COL15A1: variants seen among roughly 807,000 people sequenced by gnomAD.
COL15A1 encodes the protein collagen alpha-1(XV) chain.
COL15A1 carries 111 observed loss-of-function variants against 165.9 expected under a neutral mutation model. The ratio of observed to expected loss-of-function variants is 0.67; its 90% confidence interval spans 0.57 to 0.78. The LOEUF (loss-of-function observed/expected upper bound fraction) is 0.78, where lower values mean the gene tolerates loss of function less well. Ranked by LOEUF, COL15A1 falls within the 30% of genes least tolerant of loss-of-function variation. The probability of loss-of-function intolerance (pLI) is 0.00; values close to 1 mark genes in which losing one functional copy is unlikely to be tolerated. For missense variants in COL15A1, 1,745 were observed against 1,789.7 expected, an observed-to-expected ratio of 0.98 and a Z score of 0.45; for synonymous variants, 659 against 674.8, an observed-to-expected ratio of 0.98 and a Z score of 0.36.
intron 22 of COL15A1, among the ~76,000 whole-genome samples, chr9:99,040,002 A>G (rs1000118791): frequency 1.3e-5 from 2 of 152,222 alleles, no homozygotes; most frequent in Non-Finnish European, 2.9e-5. Flanking sequence ...TTCTGGCACC[A>G]GGTTTCTCCC....
intron 2 of COL15A1, among the ~76,000 whole-genome samples, chr9:98,958,609 C>T (rs1350787418): frequency 6.6e-6 from 1 of 152,178 alleles, no homozygotes; most frequent in African/African-American, 2.4e-5. Context: ...GTAGATGGCT[C>T]CATTTCAGGG....
intron 23 of COL15A1, chr9:99,040,806 C>T (rs1839389110): frequency 3.5e-6 from 2 of 568,676 alleles, no homozygotes; most frequent in Non-Finnish European, 6.0e-6. Context: ...AGCATGAGCC[C>T]CTGAGCCTGG....
intron 15 of COL15A1, 106 bp from the exon 16 acceptor site, chr9:99,025,798 C>T (rs1839113723): frequency 6.6e-6 from 8 of 1,212,588 alleles, no homozygotes; most frequent in Non-Finnish European, 9.5e-6. Flanking sequence ...GGCCCTGGGC[C>T]CACCAGCCTC....
chr9:99,029,609 C>T (rs1343290789), intron 16 of COL15A1, among the ~76,000 whole-genome samples: 1 of 152,154 alleles, frequency 6.6e-6, no homozygotes, highest in Non-Finnish European at 1.5e-5. Flanking sequence ...GGTTCAACAT[C>T]TGGATTATAG....
intron 2 of COL15A1, among the ~76,000 whole-genome samples, chr9:98,950,480 CCTCCTTCCT>C: frequency 7.5e-6 from 1 of 132,890 alleles, no homozygotes. Context: ...CCCTCCCTTC[CCTCCTTCCT>C]TCCCTCCCTC....
intron 2 of COL15A1, among the ~76,000 whole-genome samples, chr9:98,977,713 G>A (rs565843374): frequency 6.8e-6 from 1 of 146,004 alleles, no homozygotes; most frequent in African/African-American, 2.5e-5. Context: ...AATGGCTGAG[G>A]TCTAGGGGGA....
intron 16 of COL15A1, among the ~76,000 whole-genome samples, chr9:99,030,279 C>T (rs1839196972): frequency 6.6e-6 from 1 of 152,240 alleles, no homozygotes; most frequent in Admixed American, 6.5e-5. Flanking sequence ...TAAAACCATA[C>T]TTGCAGCTCT....
chr9:98,970,149 C>A (rs1838023076), intron 2 of COL15A1, among the ~76,000 whole-genome samples: 1 of 151,800 alleles, frequency 6.6e-6, no homozygotes, highest in Non-Finnish European at 1.5e-5. Context: ...ATAGTAAGGG[C>A]TCCGTATACA....
rs771408207 is a variant in COL15A1 at position 99,036,185 on chromosome 9, A to G, written c.2305A>G (p.Lys769Glu). The part of the protein sequence containing the change: ...PTAAIGLKGE[K>E]GDRGPKGERG... ...ATTTTTCCAGGGTCTCAAAGGAGAG[A>G]AAGGAGACCGGGGACCCAAGGTGAG... Residue 769 changes from lysine (K) to glutamate (E), a missense_variant, in exon 20 of 42, where the codon AAA becomes GAA. Lys to Glu is a moderately conservative substitution (Grantham distance 56, BLOSUM62 1). Coordinates refer to ENST00000375001, the MANE Select transcript of COL15A1 (RefSeq NM_001855.5). 2.4e-5 allele frequency: 38 copies of G among 1,612,962 alleles called. No homozygotes were observed.
chr9:99,003,029 G>C (rs542214994), intron 7 of COL15A1, among the ~76,000 whole-genome samples: 2 of 152,374 alleles, frequency 1.3e-5, no homozygotes, highest in African/African-American at 4.8e-5. Flanking sequence ...AGAAGAAGCA[G>C]GAATGTCTCT....
intron 2 of COL15A1, among the ~76,000 whole-genome samples, chr9:98,958,782 G>C (rs1005603945): frequency 6.6e-6 from 1 of 152,016 alleles, no homozygotes; most frequent in Non-Finnish European, 1.5e-5. Flanking sequence ...TTAGTGGCTC[G>C]GATTCCTTGG....
chr9:99,050,139 A>G (rs1839562250), intron 30 of COL15A1, among the ~76,000 whole-genome samples: 1 of 152,216 alleles, frequency 6.6e-6, no homozygotes, highest in African/African-American at 2.4e-5. Context: ...TCTAAAAAGC[A>G]GTGTCTTTTG....
At position 99,049,857 on chromosome 9, in the gene COL15A1, A is replaced by G. The variant is rs764867086; in HGVS notation, c.2866A>G (p.Ile956Val). The G allele has an allele frequency of 1.2e-6, 2 of 1,614,174 alleles. No individual in the cohort carries two copies. Among genetic ancestry groups the G allele is most frequent in the East Asian group, 4.5e-5 (2 of 44,876 alleles). The stretch of plus-strand genomic sequence containing the variant: ...CTCTTGTTCTCATTACCCACAGGCC[A>G]TTTTCCCAATACCCGTCCGACCACA... ...PGAVINIKGA[I>V]FPIPVRPHCK... is the part of the protein sequence containing the mutation. Residue 956 changes from isoleucine (I) to valine (V), a missense_variant, in exon 30 of 42, where the codon ATT (isoleucine) becomes GTT (valine). Transcript: ENST00000375001.
intron 40 of COL15A1, 62 bp from the exon 41 acceptor site, chr9:99,068,493 A>C: frequency 1.4e-6 from 1 of 699,298 alleles, no homozygotes; most frequent in Non-Finnish European, 2.2e-6. Context: ...AAAAGAGTAA[A>C]AATCTAACTC....
At chr9:98,955,737 ATAGAG>A (rs1259260839) in intron 2 of COL15A1, among the ~76,000 whole-genome samples, 6 of 152,252 alleles carry the variant, frequency 3.9e-5, no homozygotes, top group African/African-American at 1.4e-4. Flanking sequence ...CTCACAGAAC[ATAGAG>A]TAGAGATTCT....
At chr9:99,030,997 C>T (rs1839206394) in intron 16 of COL15A1, among the ~76,000 whole-genome samples, 1 of 152,188 alleles carries the variant, frequency 6.6e-6, no homozygotes, top group Non-Finnish European at 1.5e-5. Flanking sequence ...CTTAGTTTCT[C>T]CCTGGTGAGG....
chr9:98,972,822 G>T (rs1222575693), intron 2 of COL15A1, among the ~76,000 whole-genome samples: 4 of 152,196 alleles, frequency 2.6e-5, no homozygotes, highest in African/African-American at 9.7e-5. Flanking sequence ...GATGGAGGGG[G>T]ACTGAGGGAA....
At chr9:98,976,404 C>T (rs1018893971) in intron 2 of COL15A1, among the ~76,000 whole-genome samples, 3 of 152,202 alleles carry the variant, frequency 2.0e-5, no homozygotes, top group Admixed American at 6.6e-5. Context: ...GGGGGACTAG[C>T]TGGCCCAAGG....
At chr9:98,978,758 CTT>C (rs1455538192) in intron 2 of COL15A1, among the ~76,000 whole-genome samples, 2 of 152,024 alleles carry the variant, frequency 1.3e-5, no homozygotes, top group East Asian at 1.9e-4. Flanking sequence ...ATGTAGATGT[CTT>C]TACTTTTCAT....
Sources: gnomAD v4.1 joint callset for allele counts (sites outside exome capture counted in the v4.1 genomes callset) on GRCh38, gnomAD v4.1.1 for gene constraint, MANE v1.5 for transcripts, NCBI Gene and HGNC (gene_info 2026-07-23, HGNC 2026-07-21) for gene names.